The following ASS1 variants were observed in gnomAD, a reference collection of about 807,000 sequenced individuals.
ASS1 encodes the protein argininosuccinate synthase.
ASS1 carries 58 observed loss-of-function variants against 60.5 expected under a neutral mutation model. The observed-to-expected ratio is 0.96, with a 90% CI of 0.78 to 1.19. ASS1 has a LOEUF of 1.19. Among genes scored for constraint, ASS1 ranks in the 50% most tolerant of loss-of-function variants. The probability of loss-of-function intolerance (pLI) is 0.00; values close to 1 mark genes in which losing one functional copy is unlikely to be tolerated. For synonymous variants in ASS1, 200 were observed against 206.9 expected, an observed-to-expected ratio of 0.97 and a Z score of 0.29; for missense variants, 454 against 547.3, an observed-to-expected ratio of 0.83 and a Z score of 1.70.
At chr9:130,452,395 C>T (rs1020062806) in intron 2 of ASS1, 62 bp downstream of exon 2, 1 of 1,425,014 alleles carries the variant, frequency 7.0e-7, no homozygotes, top group African/African-American at 1.4e-5. Flanking sequence ...TGTCTGCCCC[C>T]TGCCAGCCTC....
Position 130,478,801 on chromosome 9 carries a change from T to C in ASS1, c.689-915T>C, listed in dbSNP as rs1846086773. Among the ~76,000 whole-genome samples the C allele has an allele frequency of 6.6e-6, 1 of 152,084 alleles. No individual in the cohort carries two copies. Among genetic ancestry groups the C allele is most frequent in the African/African-American group, 2.4e-5 (1 of 41,398 alleles). ...TTAATAGCAATTTACAACCAAGTTA[T>C]AAAACCCCTGGAAATGGGGGTTAAG... On this transcript the variant is annotated intron_variant, in intron 9 of 14. Transcript: ENST00000352480. The surrounding 1 kb of genome is among the most constrained non-coding windows in gnomAD (Gnocchi z 4.7).
At chr9:130,471,841 G>T (rs969645083) in intron 8 of ASS1, among the ~76,000 whole-genome samples, 1 of 152,236 alleles carries the variant, frequency 6.6e-6, no homozygotes, top group Non-Finnish European at 1.5e-5. Context: ...TGAGACACTT[G>T]GGGGAGGGCC....
At chr9:130,463,242 C>G (rs1435272237) in intron 4 of ASS1, among the ~76,000 whole-genome samples, 1 of 152,246 alleles carries the variant, frequency 6.6e-6, no homozygotes, top group Non-Finnish European at 1.5e-5. Flanking sequence ...GGCTGCCGAG[C>G]CCACGGGGAA....
chr9:130,475,029 C>T (rs1008880907), intron 8 of ASS1, among the ~76,000 whole-genome samples: 1 of 152,190 alleles, frequency 6.6e-6, no homozygotes, highest in African/African-American at 2.4e-5. Flanking sequence ...GGTGGAGGAT[C>T]CACCACAGTC....
At chr9:130,493,567 A>C (rs1588507213) in intron 12 of ASS1, among the ~76,000 whole-genome samples, 1 of 151,688 alleles carries the variant, frequency 6.6e-6, no homozygotes, top group African/African-American at 2.4e-5. Context: ...CCCACGGAGG[A>C]CCTCTGCAGG....
At chr9:130,468,311 T>TA (rs1845792886) in intron 6 of ASS1, among the ~76,000 whole-genome samples, 1 of 152,180 alleles carries the variant, frequency 6.6e-6, no homozygotes, top group Admixed American at 6.5e-5. Context: ...AGAGGACTCA[T>TA]AAAAAACATG....
intron 6 of ASS1, among the ~76,000 whole-genome samples, chr9:130,467,019 C>T (rs190953023): frequency 7.0e-4 from 106 of 152,346 alleles, no homozygotes; most frequent in Non-Finnish European, 1.1e-3. Flanking sequence ...AGGGCGGAGC[C>T]GCTCTGAGGC....
At position 130,489,242 on chromosome 9, in the gene ASS1, ATTAT is replaced by A; in HGVS notation, c.839-88_839-85del. The A allele has an allele frequency of 5.7e-6, 7 of 1,228,234 alleles. No individual in the cohort carries two copies. The highest frequency in any genetic ancestry group is 8.0e-6 in the Non-Finnish European group (7 of 875,080). 76.1% of individuals were successfully genotyped at this position (1,228,234 alleles called of 1,614,324 possible). On this transcript the variant is annotated intron_variant, in intron 11 of 14. Coordinates refer to ENST00000352480, the MANE Select transcript of ASS1 (RefSeq NM_054012.4). The surrounding 1 kb of genome is among the most constrained non-coding windows in gnomAD (Gnocchi z 4.1). ...TCCTGTCAGACGACTCATTATTATT[ATTAT>A]TTTTTTTTTTGTCATTTGCTGACAG... is the stretch of plus-strand genomic sequence containing the variant.
chr9:130,468,504 T>G (rs541184066), intron 6 of ASS1, among the ~76,000 whole-genome samples: 1 of 152,194 alleles, frequency 6.6e-6, no homozygotes, highest in African/African-American at 2.4e-5. Flanking sequence ...CTCAACCTCC[T>G]GGGCTCATCT....
chr9:130,450,242 G>T, intron 1 of ASS1: 3 of 987,272 alleles, frequency 3.0e-6, no homozygotes, highest in Non-Finnish European at 3.6e-6. Flanking sequence ...CAGGCTACCT[G>T]CAGGCAGCTG....
At chr9:130,461,510 T>TC (rs1845593946) in intron 4 of ASS1, among the ~76,000 whole-genome samples, 1 of 152,000 alleles carries the variant, frequency 6.6e-6, no homozygotes, top group Admixed American at 6.5e-5. Context: ...CTTGGGGGCG[T>TC]CCCTGCATTC....
At position 130,491,632 on chromosome 9, in the gene ASS1, G is replaced by A. The variant is rs979473432; in HGVS notation, c.970+2168G>A. Among the ~76,000 whole-genome samples the A allele has an allele frequency of 9.9e-5, 15 of 152,216 alleles. No individual in the cohort carries two copies. The highest frequency in any genetic ancestry group is 1.9e-4 in the Non-Finnish European group (13 of 68,034). On this transcript the variant is annotated intron_variant, in intron 12 of 14. Transcript: ENST00000352480. The surrounding 1 kb of genome is among the most constrained non-coding windows in gnomAD (Gnocchi z 5.3). ...CGGCACAGACAGGGGAACCCTGGGT[G>A]TAGGGCACAGTTTGGCTCCTGGCTG...
intron 11 of ASS1, among the ~76,000 whole-genome samples, chr9:130,480,806 C>T (rs1215971): frequency 6.6e-6 from 1 of 152,122 alleles, no homozygotes. Context: ...GGCCCGATTT[C>T]GTGGTCATTA....
intron 14 of ASS1, among the ~76,000 whole-genome samples, chr9:130,500,068 G>A (rs902781642): frequency 3.3e-5 from 5 of 152,132 alleles, no homozygotes; most frequent in Admixed American, 3.3e-4. Context: ...CAGTAAGAGT[G>A]TCAGCTGTAC....
chr9:130,470,768 C>T lies in ASS1; in HGVS notation c.496-66C>T. 1 of 1,495,066 alleles carries T rather than the reference C, an allele frequency of 6.7e-7. No homozygotes were observed. The highest frequency in any genetic ancestry group is 2.3e-5 in the East Asian group (1 of 44,292). The allele number at this position is 1,495,066 out of a possible 1,614,324, so 92.6% of individuals were successfully genotyped here. On this transcript the variant is annotated intron_variant, in intron 6 of 14. Coordinates refer to ENST00000352480, the MANE Select transcript of ASS1 (RefSeq NM_054012.4). This position sits in a 1 kb window ranked among gnomAD's most constrained non-coding sequence, Gnocchi z 4.3. ...TGGGGCTCTCTGAAAAAGCAGGGCC[C>T]CTGGGACGGACCTCACGCGTCCTTC...
At chr9:130,449,357 A>G (rs915095836) in intron 1 of ASS1, among the ~76,000 whole-genome samples, 75 of 151,338 alleles carry the variant, frequency 5.0e-4, no homozygotes, top group Non-Finnish European at 9.1e-4. Context: ...AAAAAAAAAA[A>G]AAAAAAGGAT....
At chr9:130,480,585 C>T (rs1019661294) in intron 11 of ASS1, 136 bp downstream of exon 11, 25 of 893,084 alleles carry the variant, frequency 2.8e-5, no homozygotes, top group African/African-American at 1.5e-4. Flanking sequence ...CACCACACCC[C>T]GTGAGACCGC....
chr9:130,486,576 C>G (rs1239124546), intron 11 of ASS1, among the ~76,000 whole-genome samples: 1 of 152,198 alleles, frequency 6.6e-6, no homozygotes, highest in African/African-American at 2.4e-5. Context: ...GCCTGAGGAA[C>G]TCCCGAGGGA....
At chr9:130,490,361 T>A (rs1257840941) in intron 12 of ASS1, among the ~76,000 whole-genome samples, 1 of 152,220 alleles carries the variant, frequency 6.6e-6, no homozygotes. Context: ...TTGCCCAGGC[T>A]GGAGTGCAAT....
Sources: allele counts gnomAD v4.1 joint callset (sites outside exome capture counted in the v4.1 genomes callset), GRCh38; gene constraint gnomAD v4.1.1; non-coding constraint Gnocchi (gnomAD v3.1); transcripts MANE v1.5; gene names NCBI Gene and HGNC (gene_info 2026-07-23, HGNC 2026-07-21).